The following DNM3 variants were observed in gnomAD, a reference collection of about 807,000 sequenced individuals.
DNM3 encodes the protein dynamin-3.
A neutral mutation model predicts 101.6 loss-of-function variants in DNM3; 47 were observed. That is an observed-to-expected ratio of 0.46 (90% confidence interval 0.37 to 0.59). The LOEUF (loss-of-function observed/expected upper bound fraction) is 0.59, where lower values mean the gene tolerates loss of function less well. Ranked by LOEUF, DNM3 falls within the 20% of genes least tolerant of loss-of-function variation. DNM3 has a pLI of 0.00. For missense variants in DNM3, 849 were observed against 1,085.7 expected, an observed-to-expected ratio of 0.78 and a Z score of 3.06; for synonymous variants, 385 against 387.9, an observed-to-expected ratio of 0.99 and a Z score of 0.09.
At chr1:172,278,042 C>T (rs2063352080) in intron 15 of DNM3, among the ~76,000 whole-genome samples, 1 of 152,106 alleles carries the variant, frequency 6.6e-6, no homozygotes, top group Non-Finnish European at 1.5e-5. Flanking sequence ...AACCTCTCTG[C>T]CTTTCCTGAT....
In DNM3 at chr1:172,308,718, T is replaced by G; in HGVS notation, c.1770-10T>G. The G allele has an allele frequency of 6.7e-7, 1 of 1,493,706 alleles. No homozygotes were observed. The highest frequency in any genetic ancestry group is 9.0e-7 in the Non-Finnish European group (1 of 1,113,174). The allele number at this position is 1,493,706 out of a possible 1,614,324, so 92.5% of individuals were successfully genotyped here. ...ACTAAAAGCATGATTTTTTTTTTTT[T>G]TAACTCCAGGAATGTATACAAAGAC... On this transcript the variant is annotated splice_polypyrimidine_tract_variant and intron_variant, in intron 15 of 20. Coordinates refer to ENST00000627582, the MANE Select transcript of DNM3 (RefSeq NM_015569.5).
chr1:172,204,192 T>A (rs2060250364), intron 14 of DNM3, among the ~76,000 whole-genome samples: 1 of 152,188 alleles, frequency 6.6e-6, no homozygotes, highest in Non-Finnish European at 1.5e-5. Flanking sequence ...GAATTTATTT[T>A]GAAACTTAAA....
chr1:171,959,174 G>A (rs900382343), intron 2 of DNM3, among the ~76,000 whole-genome samples: 7 of 152,132 alleles, frequency 4.6e-5, no homozygotes, highest in African/African-American at 1.7e-4. Flanking sequence ...ATACAGAAGG[G>A]GGAAGTATAT....
At chr1:172,202,786 G>A (rs2060197643) in intron 14 of DNM3, among the ~76,000 whole-genome samples, 1 of 152,092 alleles carries the variant, frequency 6.6e-6, no homozygotes, top group South Asian at 2.1e-4. Flanking sequence ...AATCTACCAA[G>A]TTCTTTTAAC....
chr1:171,947,808 T>C (rs546318437), intron 2 of DNM3, among the ~76,000 whole-genome samples: 13 of 152,322 alleles, frequency 8.5e-5, no homozygotes, highest in African/African-American at 3.1e-4. Context: ...TCATTTACAC[T>C]CAGATACAAG....
intron 17 of DNM3, among the ~76,000 whole-genome samples, chr1:172,339,535 A>G (rs1271367381): frequency 6.6e-6 from 1 of 152,174 alleles, no homozygotes; most frequent in African/African-American, 2.4e-5. Flanking sequence ...AAGCACCCAG[A>G]GGTGTAACAA....
intron 17 of DNM3, among the ~76,000 whole-genome samples, chr1:172,353,940 A>T (rs2067307903): frequency 6.6e-6 from 1 of 152,084 alleles, no homozygotes; most frequent in African/African-American, 2.4e-5. Context: ...TTGGCCAAAA[A>T]GAGTGCTTAG....
At chr1:171,851,851 T>C (rs1448194217) in intron 1 of DNM3, among the ~76,000 whole-genome samples, 2 of 152,362 alleles carry the variant, frequency 1.3e-5, no homozygotes, top group East Asian at 3.9e-4. Context: ...GTGAAAGTTT[T>C]GTATTAGTTG....
chr1:172,302,867 A>T (rs1573372539), intron 15 of DNM3, among the ~76,000 whole-genome samples: 1 of 152,160 alleles, frequency 6.6e-6, no homozygotes, highest in Non-Finnish European at 1.5e-5. Flanking sequence ...CCAAAACCCC[A>T]TCTGTAGGTC....
At position 171,841,584 on chromosome 1, in the gene DNM3, C is replaced by A; in HGVS notation, c.-73C>A. ...CCCGGCGCAGCAGCAGCAGCCAGGG[C>A]AGCGCGGCCCCTACTCCCTGTCAGG... On this transcript the variant is annotated 5_prime_UTR_variant, in exon 1 of 21. Transcript: ENST00000627582. The A allele has an allele frequency of 6.5e-7, 1 of 1,538,178 alleles. No homozygotes were observed. The highest frequency in any genetic ancestry group is 8.7e-7 in the Non-Finnish European group (1 of 1,145,614).
intron 1 of DNM3, among the ~76,000 whole-genome samples, chr1:171,868,483 A>C (rs2034971995): frequency 6.6e-6 from 1 of 152,184 alleles, no homozygotes; most frequent in African/African-American, 2.4e-5. Context: ...AATAAGTGGA[A>C]ATTTTCGAGC....
rs1030947656 is a variant in DNM3 at position 172,040,493 on chromosome 1, GTTTC to G, written c.993-1499_993-1496del. On this transcript the variant is annotated intron_variant, in intron 7 of 20. Transcript: ENST00000627582. ...AAAATAGTTGGTTTTTTTTTTTCGT[GTTTC>G]TTTCTTTCTTTCTTTCAAGCAGCCA... Among the ~76,000 whole-genome samples, 50 of 149,188 alleles carry G rather than the reference GTTTC, an allele frequency of 3.4e-4. No individual in the cohort carries two copies. The East Asian group carries it at 4.5e-3, about 13-fold the overall frequency.
At chr1:172,291,187 C>T (rs981765093) in intron 15 of DNM3, among the ~76,000 whole-genome samples, 2 of 152,050 alleles carry the variant, frequency 1.3e-5, no homozygotes, top group African/African-American at 4.8e-5. Flanking sequence ...AGGAGTTTTG[C>T]TATAAAGGCA....
intron 14 of DNM3, among the ~76,000 whole-genome samples, chr1:172,166,866 T>TTTA (rs2148322642): frequency 1.3e-5 from 2 of 152,080 alleles, no homozygotes; most frequent in South Asian, 4.1e-4. Flanking sequence ...GCAACAAAGA[T>TTTA]TTATGTCATC....
intron 13 of DNM3, among the ~76,000 whole-genome samples, chr1:172,126,873 A>T (rs1055375706): frequency 1.4e-4 from 21 of 151,990 alleles, no homozygotes; most frequent in Admixed American, 1.4e-3. Flanking sequence ...ACATCGTTAC[A>T]CTTCTGTACT....
At position 172,245,131 on chromosome 1, in the gene DNM3, A is replaced by G. The variant is rs2061901626; in HGVS notation, c.1660-8442A>G. On this transcript the variant is annotated intron_variant, in intron 14 of 20. Transcript: ENST00000627582. ...TTGCTGAATGTCTATGATGCAACCAAAACTAATAAGGAAATAATTTATTTC... is the reference window on the plus strand; with the variant it reads ...TTGCTGAATGTCTATGATGCAACCAGAACTAATAAGGAAATAATTTATTTC... Among the ~76,000 whole-genome samples, 3 of 152,152 alleles carry G rather than the reference A, an allele frequency of 2.0e-5. No individual in the cohort carries two copies. In the South Asian group the frequency reaches 6.2e-4, roughly 32 times the overall value.
chr1:172,032,719 A>G (rs1299081776), intron 5 of DNM3, among the ~76,000 whole-genome samples: 1 of 152,020 alleles, frequency 6.6e-6, no homozygotes, highest in Non-Finnish European at 1.5e-5. Flanking sequence ...ATTCCTTAAA[A>G]TAACAGGAAT....
chr1:172,058,949 A>C (rs1384178598), intron 10 of DNM3, among the ~76,000 whole-genome samples: 6 of 152,202 alleles, frequency 3.9e-5, no homozygotes, highest in African/African-American at 1.4e-4. Flanking sequence ...GACTGCTAGC[A>C]AGACTAATAA....
chr1:171,874,702 G>A (rs946636614), intron 1 of DNM3, among the ~76,000 whole-genome samples: 3 of 151,916 alleles, frequency 2.0e-5, no homozygotes, highest in Non-Finnish European at 2.9e-5. Flanking sequence ...ATATATGCAC[G>A]TTTGTTACAT....
Sources: gnomAD v4.1 joint callset for allele counts (sites outside exome capture counted in the v4.1 genomes callset) on GRCh38, gnomAD v4.1.1 for gene constraint, MANE v1.5 for transcripts, NCBI Gene and HGNC (gene_info 2026-07-23, HGNC 2026-07-21) for gene names.